Variants in MINDY4 observed in about 807,000 individuals in gnomAD.
MINDY4 encodes the protein probable ubiquitin carboxyl-terminal hydrolase MINDY-4.
MINDY4 carries 68 observed loss-of-function variants against 87.0 expected under a neutral mutation model. The observed-to-expected ratio is 0.78, with a 90% CI of 0.64 to 0.96. The LOEUF is 0.96. MINDY4 is among the 40% of genes least tolerant of loss of function. MINDY4 has a pLI of 0.00. For missense variants in MINDY4, 919 were observed against 928.2 expected, an observed-to-expected ratio of 0.99 and a Z score of 0.13; for synonymous variants, 379 against 363.2, an observed-to-expected ratio of 1.04 and a Z score of -0.50.
rs764165333 is a variant in MINDY4 at position 30,828,767 on chromosome 7, C to A, written c.1132+30C>A. 206 of 1,607,786 alleles carry A rather than the reference C, an allele frequency of 1.3e-4. No homozygotes were observed. The East Asian group carries it at 4.5e-3, about 35-fold the overall frequency. ...GTGCAGCGGGTGCCTCTGTGCTGTG[C>A]CCATCAGGGCCCAAGGGGTCCTCGT... On this transcript the variant is annotated intron_variant, in intron 6 of 17. Coordinates refer to ENST00000265299, the MANE Select transcript of MINDY4 (RefSeq NM_032222.3).
intron 5 of MINDY4, among the ~76,000 whole-genome samples, chr7:30,816,664 C>G (rs906147530): frequency 7.2e-5 from 11 of 151,784 alleles, no homozygotes; most frequent in South Asian, 4.2e-4. Flanking sequence ...CTTTGTCCAC[C>G]TTTGTCATCA....
intron 13 of MINDY4, among the ~76,000 whole-genome samples, chr7:30,871,208 C>T (rs763569941): frequency 3.9e-5 from 6 of 152,238 alleles, no homozygotes; most frequent in Non-Finnish European, 7.3e-5. Flanking sequence ...CACGTTGCCC[C>T]CCAGAGCCAG....
At position 30,872,225 on chromosome 7, in the gene MINDY4, G is replaced by A. The variant is rs778496513; in HGVS notation, c.1746-18G>A. On this transcript the variant is annotated intron_variant, in intron 13 of 17. Transcript: ENST00000265299. ...GGTCAGGCAGAGCTGTGCTAACAAT[G>A]CTTCTTGTGTTTTCCAGCATCCGCC... 8 of 1,613,922 alleles carry A rather than the reference G, an allele frequency of 5.0e-6. No homozygotes were observed. The highest frequency in any genetic ancestry group is 1.7e-4 in the Middle Eastern group (1 of 6,060).
At chr7:30,873,313 C>G (rs1790162885) in intron 14 of MINDY4, among the ~76,000 whole-genome samples, 1 of 152,174 alleles carries the variant, frequency 6.6e-6, no homozygotes, top group African/African-American at 2.4e-5. Flanking sequence ...AGGATGCTGC[C>G]CAGGTGTGGG....
chr7:30,832,761 G>A (rs1788743387), intron 6 of MINDY4, among the ~76,000 whole-genome samples: 1 of 152,186 alleles, frequency 6.6e-6, no homozygotes, highest in African/African-American at 2.4e-5. Flanking sequence ...ACCCACCTTG[G>A]CCTCCCAAAG....
At chr7:30,793,585 A>G (rs922254824) in intron 5 of MINDY4, among the ~76,000 whole-genome samples, 1 of 151,972 alleles carries the variant, frequency 6.6e-6, no homozygotes, top group Non-Finnish European at 1.5e-5. Context: ...ACACCTGGCT[A>G]ATATTTTGTA....
intron 9 of MINDY4, among the ~76,000 whole-genome samples, chr7:30,846,003 C>T (rs1452105406): frequency 6.6e-6 from 1 of 152,236 alleles, no homozygotes; most frequent in African/African-American, 2.4e-5. Flanking sequence ...TGGAGAGAGC[C>T]ACAGGCCAGG....
At chr7:30,876,414 A>G (rs1790260510) in intron 15 of MINDY4, among the ~76,000 whole-genome samples, 1 of 152,222 alleles carries the variant, frequency 6.6e-6, no homozygotes, top group Non-Finnish European at 1.5e-5. Context: ...ACTGGGGGCT[A>G]GGATTCAACA....
At chr7:30,811,871 G>C (rs1788010647) in intron 5 of MINDY4, among the ~76,000 whole-genome samples, 1 of 152,134 alleles carries the variant, frequency 6.6e-6, no homozygotes, top group African/African-American at 2.4e-5. Flanking sequence ...TGCTCACTTG[G>C]GGAGCTCGGT....
At chr7:30,858,106 G>A (rs1365169969) in intron 12 of MINDY4, 5 of 151,960 alleles carry the variant, frequency 3.3e-5, no homozygotes, top group African/African-American at 7.3e-5. Flanking sequence ...TATAACAGGC[G>A]GTGTCTTCAG....
chr7:30,873,832 CA>C (rs1417182595), intron 14 of MINDY4, among the ~76,000 whole-genome samples: 8 of 152,192 alleles, frequency 5.3e-5, no homozygotes, highest in African/African-American at 1.9e-4. Flanking sequence ...CCTTTCTCAG[CA>C]GCTGCTGCCC....
intron 17 of MINDY4, among the ~76,000 whole-genome samples, chr7:30,884,744 C>A (rs1790578321): frequency 6.6e-6 from 1 of 152,238 alleles, no homozygotes; most frequent in African/African-American, 2.4e-5. Flanking sequence ...CATGACTCAC[C>A]AAGCACCTCC....
At chr7:30,859,563 G>A (rs147352176) in intron 13 of MINDY4, among the ~76,000 whole-genome samples, 78 of 152,326 alleles carry the variant, frequency 5.1e-4, no homozygotes, top group Admixed American at 1.3e-3. Flanking sequence ...TGAAAGACAC[G>A]CCACCAGCCC....
chr7:30,783,143 G>C (rs1360999847), intron 3 of MINDY4, among the ~76,000 whole-genome samples: 1 of 152,138 alleles, frequency 6.6e-6, no homozygotes, highest in Non-Finnish European at 1.5e-5. Flanking sequence ...TAGCAGGCCT[G>C]GTTCTGTCTG....
At chr7:30,814,070 C>CT (rs1215768861) in intron 5 of MINDY4, among the ~76,000 whole-genome samples, 2 of 152,208 alleles carry the variant, frequency 1.3e-5, no homozygotes, top group Non-Finnish European at 2.9e-5. Flanking sequence ...TTAAAAAATA[C>CT]TGGAGGACCA....
At chr7:30,877,924 C>A (rs562909524) in intron 15 of MINDY4, among the ~76,000 whole-genome samples, 1 of 146,678 alleles carries the variant, frequency 6.8e-6, no homozygotes. Flanking sequence ...AAGTGATCCA[C>A]CCACCTCAGC....
intron 5 of MINDY4, among the ~76,000 whole-genome samples, chr7:30,794,211 A>G (rs1427897309): frequency 1.3e-5 from 2 of 152,122 alleles, no homozygotes; most frequent in Non-Finnish European, 2.9e-5. Context: ...ACTCCCCTCC[A>G]TCAGTGCCCC....
chr7:30,786,815 T>C (rs893547764), intron 4 of MINDY4, among the ~76,000 whole-genome samples: 8 of 152,166 alleles, frequency 5.3e-5, no homozygotes, highest in African/African-American at 1.9e-4. Flanking sequence ...AGGGTGACCA[T>C]GGTAGAATTC....
chr7:30,885,443 C>A, intron 17 of MINDY4, among the ~76,000 whole-genome samples: 1 of 152,134 alleles, frequency 6.6e-6, no homozygotes, highest in East Asian at 1.9e-4. Context: ...ACCTGGGAGG[C>A]GAAGATTGCA....
Sources: gnomAD v4.1 joint callset for allele counts (sites outside exome capture counted in the v4.1 genomes callset) on GRCh38, gnomAD v4.1.1 for gene constraint, MANE v1.5 for transcripts, NCBI Gene and HGNC (gene_info 2026-07-23, HGNC 2026-07-21) for gene names.